The following ZNF248 variants were observed in gnomAD, a reference collection of about 807,000 sequenced individuals.
ZNF248 encodes the protein KRAB protein domain.
In ZNF248, 20 loss-of-function variants were observed where a neutral mutation model predicts 44.3. The ratio of observed to expected loss-of-function variants is 0.45; its 90% confidence interval spans 0.32 to 0.66. The LOEUF is 0.66. Among genes scored for constraint, ZNF248 ranks in the 30% least tolerant of loss-of-function variants. ZNF248 has a pLI of 0.04. For missense variants in ZNF248, 654 were observed against 677.0 expected (o/e 0.97, Z 0.38); for synonymous variants, 224 against 229.0 (o/e 0.98, Z 0.20).
intron 6 of ZNF248, among the ~76,000 whole-genome samples, chr10:37,801,158 T>C (rs1452773724): frequency 6.6e-6 from 1 of 151,872 alleles, no homozygotes; most frequent in Non-Finnish European, 1.5e-5. Context: ...AGGCAGATAA[T>C]GAGGTCAGGA....
the ZNF248 span, among the ~76,000 whole-genome samples, chr10:37,758,837 T>C: frequency 1.3e-5 from 2 of 152,254 alleles, no homozygotes; most frequent in Admixed American, 6.5e-5. Flanking sequence ...GTAGCTTAAC[T>C]GTAAAATCTC....
chr10:37,831,016 G>T lies in ZNF248; in HGVS notation c.*599C>A. 1.2e-6 allele frequency: 1 copy of T among 859,972 alleles called. No homozygotes were observed. Among genetic ancestry groups the T allele is most frequent in the Non-Finnish European group, 1.5e-6 (1 of 666,286 alleles). 53.3% of individuals were successfully genotyped at this position (859,972 alleles called of 1,614,324 possible). On this transcript the variant is annotated 3_prime_UTR_variant, in exon 6 of 6. Transcript: ENST00000395867. ...CTAGCACATCACTATATTTAAGTAT[G>T]TGTGTAGAAATATATTTACATATAC...
At chr10:37,767,235 C>A in the ZNF248 span, among the ~76,000 whole-genome samples, 2 of 152,154 alleles carry the variant, frequency 1.3e-5, no homozygotes, top group African/African-American at 4.8e-5. Context: ...CCCAATCTAA[C>A]AAGGCAGGCC....
chr10:37,835,922 G>A lies in ZNF248; in HGVS notation c.238+1695C>T, dbSNP rs77193686. On this transcript the variant is annotated intron_variant, in intron 5 of 5. Transcript: ENST00000395867. The stretch of plus-strand genomic sequence containing the variant: ...CAATCTCTTAGTCAAAAACAGACTC[G>A]ATTATAAGAGTTATCTCCAACTTCT... 5.8e-3 allele frequency among the ~76,000 whole-genome samples: 880 copies of A among 152,186 alleles called. 9 individuals are homozygous for A. Among genetic ancestry groups the A allele is most frequent in the African/African-American group, 0.02 (832 of 41,524 alleles).
At chr10:37,763,244 A>G in the ZNF248 span, among the ~76,000 whole-genome samples, 1 of 152,204 alleles carries the variant, frequency 6.6e-6, no homozygotes, top group South Asian at 2.1e-4. Flanking sequence ...AGATAGCAAG[A>G]AAGAGGGGAT....
chr10:37,824,059 A>T (rs1454734889), downstream of ZNF248, among the ~76,000 whole-genome samples: 1 of 152,162 alleles, frequency 6.6e-6, no homozygotes, highest in Non-Finnish European at 1.5e-5. Context: ...GGCTCACCTG[A>T]TTATGGAGGC....
At chr10:37,790,846 G>A (rs2048437635) in intron 6 of ZNF248, among the ~76,000 whole-genome samples, 1 of 150,230 alleles carries the variant, frequency 6.7e-6, no homozygotes, top group African/African-American at 2.4e-5. Context: ...CTTGAGGCCA[G>A]AAGGTCAAGG....
intron 6 of ZNF248, among the ~76,000 whole-genome samples, chr10:37,808,245 A>T (rs2050892626): frequency 6.7e-6 from 1 of 150,170 alleles, no homozygotes; most frequent in Non-Finnish European, 1.5e-5. Context: ...TTTTTTTCTT[A>T]TTCCTGCTTG....
At chr10:37,847,778 T>C (rs1261281484) in intron 3 of ZNF248, among the ~76,000 whole-genome samples, 1 of 152,118 alleles carries the variant, frequency 6.6e-6, no homozygotes, top group Admixed American at 6.5e-5. Context: ...TCAGCAGGAA[T>C]GGGTCAAAGT....
intron 6 of ZNF248, among the ~76,000 whole-genome samples, chr10:37,817,771 TC>T (rs1396549138): frequency 6.6e-6 from 1 of 152,084 alleles, no homozygotes; most frequent in Non-Finnish European, 1.5e-5. Context: ...CAGCATTTTT[TC>T]CCCCCGAAGT....
intron 6 of ZNF248, among the ~76,000 whole-genome samples, chr10:37,782,875 G>A (rs2047473242): frequency 6.6e-6 from 1 of 152,110 alleles, no homozygotes; most frequent in African/African-American, 2.4e-5. Context: ...CTCCAGAACT[G>A]TGACAGAATA....
the ZNF248 span, among the ~76,000 whole-genome samples, chr10:37,769,892 A>T: frequency 6.6e-6 from 1 of 152,200 alleles, no homozygotes. Context: ...TCAGCCCAAA[A>T]TCTCCTTAAG....
intron 3 of ZNF248, among the ~76,000 whole-genome samples, chr10:37,854,155 C>A (rs148978619): frequency 0.011 from 1,689 of 152,226 alleles, 36 homozygotes; most frequent in African/African-American, 0.038. Flanking sequence ...AATACATGGG[C>A]AGATTCTTTA....
chr10:37,760,473 T>A, the ZNF248 span, among the ~76,000 whole-genome samples: 1 of 152,196 alleles, frequency 6.6e-6, no homozygotes, highest in Non-Finnish European at 1.5e-5. Flanking sequence ...TCCACCCACC[T>A]TGGCCTCCCA....
At chr10:37,798,577 T>C (rs767264) in intron 6 of ZNF248, among the ~76,000 whole-genome samples, 9,112 of 152,182 alleles carry the variant, frequency 0.06, 352 homozygotes, top group Middle Eastern at 0.095. Context: ...AGTGTAGAAA[T>C]ATATACACAG....
chr10:37,843,373 C>T (rs1350856049), intron 3 of ZNF248, among the ~76,000 whole-genome samples: 3 of 149,202 alleles, frequency 2.0e-5, no homozygotes, highest in South Asian at 2.1e-4. Flanking sequence ...TGCAGTGAGC[C>T]GAGATTGCAC....
At chr10:37,762,963 T>C in the ZNF248 span, among the ~76,000 whole-genome samples, 1 of 152,228 alleles carries the variant, frequency 6.6e-6, no homozygotes, top group South Asian at 2.1e-4. Flanking sequence ...AATGTGTGTC[T>C]AACAAAAACA....
Position 37,831,042 on chromosome 10 carries a change from A to T in ZNF248, c.*573T>A, listed in dbSNP as rs1026886515. 3.7e-6 allele frequency: 4 copies of T among 1,080,276 alleles called. No homozygotes were observed. The African/African-American group carries it at 4.9e-5, about 13-fold the overall frequency. The allele number at this position is 1,080,276 out of a possible 1,614,324, so 66.9% of individuals were successfully genotyped here. A position where few individuals can be genotyped will look rare whatever the true frequency, so the allele number is the denominator to read the frequency against. ...TGTGTAGAAATATATTTACATATAC[A>T]CACAAACATATGTACATACACATAT... On this transcript the variant is annotated 3_prime_UTR_variant, in exon 6 of 6. Coordinates refer to ENST00000395867, the MANE Select transcript of ZNF248 (RefSeq NM_021045.3).
intron 6 of ZNF248, chr10:37,818,554 A>G (rs543078918): frequency 1.8e-4 from 63 of 347,442 alleles, no homozygotes; most frequent in Non-Finnish European, 2.8e-4. Context: ...GCTAAATGCT[A>G]TTTGTCCACT....
Sources: allele counts gnomAD v4.1 joint callset (sites outside exome capture counted in the v4.1 genomes callset), GRCh38; gene constraint gnomAD v4.1.1; transcripts MANE v1.5; gene names NCBI Gene and HGNC (gene_info 2026-07-23, HGNC 2026-07-21).